CYYR1: variants seen among roughly 807,000 people sequenced by gnomAD.
CYYR1 encodes cysteine and tyrosine-rich protein 1.
CYYR1 carries 14 observed loss-of-function variants against 15.2 expected under a neutral mutation model. The ratio of observed to expected loss-of-function variants is 0.92; its 90% confidence interval spans 0.61 to 1.44. CYYR1 has a LOEUF of 1.44. CYYR1 is among the 40% of genes most tolerant of loss of function. The pLI is 0.00. For missense variants in CYYR1, 228 were observed against 209.5 expected (o/e 1.09, Z -0.54); for synonymous variants, 80 against 77.4 (o/e 1.03, Z -0.18).
intron 2 of CYYR1, among the ~76,000 whole-genome samples, chr21:26,559,829 A>G (rs1980076728): frequency 6.6e-6 from 1 of 152,162 alleles, no homozygotes; most frequent in Admixed American, 6.6e-5. Flanking sequence ...CCAATATCAC[A>G]CAATTTCTTT....
chr21:26,536,884 T>C (rs534473729), intron 2 of CYYR1, among the ~76,000 whole-genome samples: 18 of 152,310 alleles, frequency 1.2e-4, no homozygotes, highest in Non-Finnish European at 2.5e-4. Context: ...TGTTCACTGA[T>C]TCAATAAACA....
intron 2 of CYYR1, among the ~76,000 whole-genome samples, chr21:26,520,306 A>G (rs1371530819): frequency 6.7e-5 from 10 of 150,232 alleles, no homozygotes; most frequent in Admixed American, 6.6e-4. Context: ...TTCAACTCCT[A>G]CTTATAAATG....
At chr21:26,532,292 G>C (rs2065941670) in intron 2 of CYYR1, among the ~76,000 whole-genome samples, 1 of 152,124 alleles carries the variant, frequency 6.6e-6, no homozygotes, top group African/African-American at 2.4e-5. Context: ...AGACAACATG[G>C]TGAAAATGTG....
At chr21:26,523,591 G>T (rs1028154250) in intron 2 of CYYR1, among the ~76,000 whole-genome samples, 1 of 152,068 alleles carries the variant, frequency 6.6e-6, no homozygotes, top group African/African-American at 2.4e-5. Context: ...CATTCACTCA[G>T]TTATGATGCT....
intron 2 of CYYR1, among the ~76,000 whole-genome samples, chr21:26,548,983 T>C (rs1376980013): frequency 6.6e-6 from 1 of 152,170 alleles, no homozygotes; most frequent in Non-Finnish European, 1.5e-5. Context: ...GATAAATATG[T>C]TTTTGTTCCT....
At chr21:26,532,061 C>A (rs145839088) in intron 2 of CYYR1, among the ~76,000 whole-genome samples, 8 of 151,602 alleles carry the variant, frequency 5.3e-5, no homozygotes, top group Non-Finnish European at 1.0e-4. Context: ...TTATGTAAAG[C>A]GAGAAAAAAA....
intron 2 of CYYR1, chr21:26,564,520 C>T (rs938971367): frequency 4.2e-5 from 12 of 284,196 alleles, no homozygotes; most frequent in South Asian, 1.4e-4. Flanking sequence ...ACTTAACCAG[C>T]GGTGAGATTA....
At chr21:26,472,446 T>C (rs2065047487) in intron 3 of CYYR1, among the ~76,000 whole-genome samples, 1 of 152,152 alleles carries the variant, frequency 6.6e-6, no homozygotes, top group South Asian at 2.1e-4. Context: ...AATTATTTCA[T>C]CTTGTAAGGG....
Position 26,573,077 on chromosome 21 carries a change from A to G in CYYR1, c.-137T>C. 6.5e-7 allele frequency: 1 copy of G among 1,547,080 alleles called. No individual in the cohort carries two copies. The highest frequency in any genetic ancestry group is 8.7e-7 in the Non-Finnish European group (1 of 1,149,394). On this transcript the variant is annotated 5_prime_UTR_variant, in exon 1 of 4. Transcript: ENST00000652641. Reference sequence around the variant, plus strand: ...GCAGAGACCCGGCCATTGCCTAGGGAGCCTTCCAAGGGAGCCCGGGCCGGG... The same window carrying G: ...GCAGAGACCCGGCCATTGCCTAGGGGGCCTTCCAAGGGAGCCCGGGCCGGG...
intron 2 of CYYR1, among the ~76,000 whole-genome samples, chr21:26,520,111 G>GAT (rs1491365888): frequency 0.025 from 2,103 of 83,098 alleles, 136 homozygotes; most frequent in Middle Eastern, 0.049. Context: ...AAAAACCCAG[G>GAT]AGATATATAT....
At chr21:26,497,517 G>A (rs2065423971) in intron 2 of CYYR1, among the ~76,000 whole-genome samples, 1 of 152,098 alleles carries the variant, frequency 6.6e-6, no homozygotes, top group Non-Finnish European at 1.5e-5. Context: ...CATAAATCTT[G>A]ACTTATATTT....
chr21:26,489,518 G>A (rs565223024), intron 2 of CYYR1, among the ~76,000 whole-genome samples: 5 of 151,718 alleles, frequency 3.3e-5, no homozygotes, highest in South Asian at 4.2e-4. Context: ...AATCAAACAC[G>A]ATTTTTCAGT....
chr21:26,540,193 C>G (rs988254170), intron 2 of CYYR1, among the ~76,000 whole-genome samples: 2 of 152,128 alleles, frequency 1.3e-5, no homozygotes, highest in Non-Finnish European at 2.9e-5. Context: ...AACCCTACCA[C>G]GGATCACAAC....
chr21:26,484,931 C>T (rs2065231033), intron 2 of CYYR1, among the ~76,000 whole-genome samples: 1 of 151,976 alleles, frequency 6.6e-6, no homozygotes. Context: ...CTTTGATACC[C>T]ATTAGCAATC....
At chr21:26,540,605 C>T (rs542164248) in intron 2 of CYYR1, among the ~76,000 whole-genome samples, 27 of 152,040 alleles carry the variant, frequency 1.8e-4, no homozygotes, top group Middle Eastern at 3.4e-3. Flanking sequence ...TAAAAAGAAC[C>T]GAACAAAGAT....
At chr21:26,493,098 A>G (rs1302622009) in intron 2 of CYYR1, among the ~76,000 whole-genome samples, 2 of 152,138 alleles carry the variant, frequency 1.3e-5, no homozygotes, top group African/African-American at 4.8e-5. Flanking sequence ...TGCCATAGGA[A>G]TGCAATATAT....
chr21:26,572,433 T>A (rs1007982974), intron 1 of CYYR1, among the ~76,000 whole-genome samples: 1 of 152,206 alleles, frequency 6.6e-6, no homozygotes, highest in South Asian at 2.1e-4. Context: ...TAGCTCAGTC[T>A]ACCACACTTG....
chr21:26,498,005 G>A (rs1008332982), intron 2 of CYYR1, among the ~76,000 whole-genome samples: 4 of 152,174 alleles, frequency 2.6e-5, no homozygotes, highest in African/African-American at 2.4e-5. Context: ...GAAATTTCAA[G>A]AAGCTAAATT....
chr21:26,476,415 T>C (rs969384447), intron 3 of CYYR1, among the ~76,000 whole-genome samples: 5 of 152,142 alleles, frequency 3.3e-5, no homozygotes, highest in African/African-American at 1.2e-4. Flanking sequence ...TCTCAGCACA[T>C]TCTCCTCTAG....
Sources: allele counts gnomAD v4.1 joint callset (sites outside exome capture counted in the v4.1 genomes callset), GRCh38; gene constraint gnomAD v4.1.1; transcripts MANE v1.5; gene names NCBI Gene and HGNC (gene_info 2026-07-23, HGNC 2026-07-21).